The following OTUD6B variants were observed in gnomAD, a reference collection of about 807,000 sequenced individuals.
The protein encoded by OTUD6B is deubiquitinase OTUD6B.
Under a neutral mutation model 36.9 loss-of-function variants are expected in OTUD6B, and 41 were observed. The observed-to-expected ratio is 1.11, with a 90% CI of 0.87 to 1.44. The LOEUF is 1.44. Among genes scored for constraint, OTUD6B ranks in the 40% most tolerant of loss-of-function variants. OTUD6B has a pLI of 0.00. For missense variants in OTUD6B, 356 were observed against 344.8 expected, an observed-to-expected ratio of 1.03 and a Z score of -0.26; for synonymous variants, 114 against 114.2, an observed-to-expected ratio of 1.00 and a Z score of 0.01.
In OTUD6B at chr8:91,070,397, T is replaced by A. The variant is rs1432439379; in HGVS notation, c.13T>A (p.Leu5Met). The change falls in exon 1 of 7, where the codon TTG (leucine) becomes ATG (methionine). Residue 5 changes from leucine (L) to methionine (M), a missense_variant. Transcript: ENST00000404789. ...GTACCTGGTCGTCATGGAGGCGGTA[T>A]TGACCGAAGAGCTTGATGAGGAAGA... MEAV[L>M]TEELDEEEQL... 5.0e-6 allele frequency: 8 copies of A among 1,607,220 alleles called. No individual in the cohort carries two copies. Among genetic ancestry groups the A allele is most frequent in the Non-Finnish European group, 6.8e-6 (8 of 1,176,880 alleles).
At chr8:91,071,420 C>T (rs996075283) in intron 2 of OTUD6B, 131 bp downstream of exon 2, 3 of 720,244 alleles carry the variant, frequency 4.2e-6, no homozygotes, top group Admixed American at 7.0e-5. Context: ...TCAATCTTGG[C>T]TCACTGCAAG....
intron 3 of OTUD6B, among the ~76,000 whole-genome samples, chr8:91,074,798 G>A (rs1812771689): frequency 6.6e-6 from 1 of 152,038 alleles, no homozygotes; most frequent in South Asian, 2.1e-4. Context: ...TAATTTAGTA[G>A]AGCATGGAGT....
intron 1 of OTUD6B, 87 bp downstream of exon 1, chr8:91,070,553 T>C: frequency 7.9e-7 from 1 of 1,262,344 alleles, no homozygotes; most frequent in Admixed American, 2.1e-5. Context: ...TCTCAAGGCG[T>C]GACTTATCTG....
At chr8:91,076,093 A>G (rs1000747520) in intron 3 of OTUD6B, among the ~76,000 whole-genome samples, 2 of 152,148 alleles carry the variant, frequency 1.3e-5, no homozygotes, top group African/African-American at 2.4e-5. Context: ...TGTATTTTCC[A>G]ATGAGAAAGC....
chr8:91,072,332 A>G (rs1191656516), intron 2 of OTUD6B, among the ~76,000 whole-genome samples: 2 of 152,172 alleles, frequency 1.3e-5, no homozygotes, highest in Admixed American at 1.3e-4. Flanking sequence ...CAGAATTCCA[A>G]ATGAGAACTA....
chr8:91,076,668 T>C, intron 3 of OTUD6B: 2 of 1,456,742 alleles, frequency 1.4e-6, no homozygotes, highest in East Asian at 2.5e-5. Context: ...CCTTTGGAAA[T>C]CTTTCTGCGT....
rs879247443 is a variant in OTUD6B, at chr8:91,085,009, T to G, written c.*141T>G. 15 of 410,512 alleles carry G rather than the reference T, an allele frequency of 3.7e-5. No homozygotes were observed. The Admixed American group carries it at 6.2e-4, about 17-fold the overall frequency. 25.4% of individuals were successfully genotyped at this position (410,512 alleles called of 1,614,324 possible). On this transcript the variant is annotated 3_prime_UTR_variant, in exon 7 of 7. Transcript: ENST00000404789. ...ATGGCAAAGCTACTAACAGGTGTTT[T>G]TAGAAATATGTCAGAGATAAACTTT...
intron 5 of OTUD6B, among the ~76,000 whole-genome samples, chr8:91,081,377 A>AACAG (rs1391204381): frequency 6.6e-6 from 1 of 151,378 alleles, no homozygotes; most frequent in Non-Finnish European, 1.5e-5. Flanking sequence ...GTTAAAAACA[A>AACAG]ACAAACAAAC....
intron 4 of OTUD6B, among the ~76,000 whole-genome samples, chr8:91,079,904 C>T (rs1812868815): frequency 1.3e-5 from 2 of 152,094 alleles, no homozygotes; most frequent in Non-Finnish European, 2.9e-5. Flanking sequence ...GTTCTGAACG[C>T]TGAGGATTTA....
intron 1 of OTUD6B, 110 bp from the exon 2 acceptor site, chr8:91,071,028 A>G (rs976878472): frequency 1.5e-5 from 22 of 1,507,608 alleles, no homozygotes; most frequent in Non-Finnish European, 1.7e-5. Flanking sequence ...TCTTTCTTCC[A>G]TAATTACTTT....
At chr8:91,070,512 G>C in intron 1 of OTUD6B, 46 bp downstream of exon 1, 1 of 1,540,268 alleles carries the variant, frequency 6.5e-7, no homozygotes, top group East Asian at 2.4e-5. Context: ...GCGACTGGGG[G>C]AAGGGCGCGT....
In OTUD6B at chr8:91,087,030, T is replaced by C. The variant is rs549692956; in HGVS notation, c.*2162T>C. The stretch of plus-strand genomic sequence containing the variant: ...AATGTGTGTAACTATAGTGAACGCA[T>C]AGTTTTGCTTATATTATGTGATGTT... On this transcript the variant is annotated 3_prime_UTR_variant, in exon 7 of 7. Transcript: ENST00000404789. 1 of 151,596 alleles carries C rather than the reference T, an allele frequency of 6.6e-6. No individual in the cohort carries two copies. Among genetic ancestry groups the C allele is most frequent in the East Asian group, 1.9e-4 (1 of 5,180 alleles). The allele number at this position is 151,596 out of a possible 1,614,324, so 9.4% of individuals were successfully genotyped here.
At chr8:91,081,327 A>G (rs1257971388) in intron 5 of OTUD6B, among the ~76,000 whole-genome samples, 1 of 151,692 alleles carries the variant, frequency 6.6e-6, no homozygotes, top group Non-Finnish European at 1.5e-5. Context: ...ATTACTTTTT[A>G]GCTCTAATTT....
intron 3 of OTUD6B, chr8:91,076,393 C>T (rs1812803609): frequency 3.4e-6 from 3 of 877,200 alleles, no homozygotes; most frequent in Admixed American, 6.2e-5. Flanking sequence ...GGATTTCTTA[C>T]CTAGTGCCCT....
At chr8:91,075,160 A>G in intron 3 of OTUD6B, among the ~76,000 whole-genome samples, 1 of 152,092 alleles carries the variant, frequency 6.6e-6, no homozygotes, top group East Asian at 1.9e-4. Flanking sequence ...AGCTGATGAA[A>G]TGCACATAGT....
intron 2 of OTUD6B, among the ~76,000 whole-genome samples, chr8:91,072,174 T>C (rs1812714331): frequency 6.6e-6 from 1 of 152,244 alleles, no homozygotes; most frequent in South Asian, 2.1e-4. Context: ...CTTTGGTTTA[T>C]ATGTATTATC....
chr8:91,076,623 C>G lies in OTUD6B; in HGVS notation c.316-1733C>G, dbSNP rs1236884011. ...GGATAGAAGGAGCTCTCTGTGTTGT[C>G]CTTGGTCCCTGCTCTGCTCTTACCA... On this transcript the variant is annotated intron_variant, in intron 3 of 6. Coordinates refer to ENST00000404789, the MANE Select transcript of OTUD6B (RefSeq NM_016023.5). 3 of 1,532,388 alleles carry G rather than the reference C, an allele frequency of 2.0e-6. No individual in the cohort carries two copies. In the African/African-American group the frequency reaches 4.1e-5, roughly 21 times the overall value. 94.9% of individuals were successfully genotyped at this position (1,532,388 alleles called of 1,614,324 possible). A position where few individuals can be genotyped will look rare whatever the true frequency, so the allele number is the denominator to read the frequency against.
At chr8:91,080,620 A>G (rs1444781894) in intron 4 of OTUD6B, 49 bp from the exon 5 acceptor site, 2 of 1,544,012 alleles carry the variant, frequency 1.3e-6, no homozygotes, top group Non-Finnish European at 1.7e-6. Context: ...ATTTTGTAAC[A>G]TGAGTTACAA....
intron 3 of OTUD6B, among the ~76,000 whole-genome samples, chr8:91,075,937 CTT>C (rs1235281852): frequency 6.6e-6 from 1 of 152,028 alleles, no homozygotes; most frequent in Non-Finnish European, 1.5e-5. Context: ...GAGCATATCT[CTT>C]ATTTTTAGTC....
Sources: allele counts gnomAD v4.1 joint callset (sites outside exome capture counted in the v4.1 genomes callset), GRCh38; gene constraint gnomAD v4.1.1; transcripts MANE v1.5; gene names NCBI Gene and HGNC (gene_info 2026-07-23, HGNC 2026-07-21).